Variants in COL6A2 observed in about 807,000 individuals in gnomAD.
COL6A2 encodes the protein collagen type VI alpha 2 chain, also known as collagen alpha-2(VI) chain.
COL6A2 carries 90 observed loss-of-function variants against 124.9 expected under a neutral mutation model. The observed-to-expected ratio is 0.72, with a 90% CI of 0.61 to 0.86. The LOEUF is 0.86. Among genes scored for constraint, COL6A2 ranks in the 40% least tolerant of loss-of-function variants. The pLI, the probability that COL6A2 is intolerant of heterozygous loss-of-function variation, is 0.00. For missense variants in COL6A2, 1,607 were observed against 1,502.5 expected, an observed-to-expected ratio of 1.07 and a Z score of -1.15; for synonymous variants, 793 against 618.2, an observed-to-expected ratio of 1.28 and a Z score of -4.19.
At chr21:46,105,897 A>G (rs2078331012) in intron 1 of COL6A2, among the ~76,000 whole-genome samples, 1 of 152,262 alleles carries the variant, frequency 6.6e-6, no homozygotes, top group Non-Finnish European at 1.5e-5. Context: ...ATGTAAATGG[A>G]TTAAACTCTC....
rs1568939755 is a variant in COL6A2, at chr21:46,125,600, A to T, written c.1952A>T (p.Asp651Val). The T allele has an allele frequency of 1.3e-6, 2 of 1,599,898 alleles. No homozygotes were observed. Among genetic ancestry groups the T allele is most frequent in the Non-Finnish European group, 1.7e-6 (2 of 1,175,040 alleles). The change falls in exon 25 of 28, where the codon GAC becomes GTC. Residue 651 changes from aspartate (D) to valine (V), a missense_variant. Physicochemically the swap from Asp to Val is radical, Grantham distance 152. This residue lies in a region of COL6A2 where 1,223 missense variants were observed against 1,052.2 expected (regional missense o/e 1.16). Transcript: ENST00000300527. Reference sequence around the variant, plus strand: ...AACAGGCTGGGTGCCATCGCTAAGGACCCCAAGTCCGAGACAGGTCAGCGG... The same window carrying T: ...AACAGGCTGGGTGCCATCGCTAAGGTCCCCAAGTCCGAGACAGGTCAGCGG... The part of the protein sequence containing the change: ...VVNRLGAIAK[D>V]PKSETGTRVG...
Position 46,110,072 on chromosome 21 carries a change from G to A in COL6A2, c.-27-1378G>A, listed in dbSNP as rs117590827. 8.0e-3 allele frequency among the ~76,000 whole-genome samples: 1,214 copies of A among 152,254 alleles called. 7 individuals are homozygous for A. Among genetic ancestry groups the A allele is most frequent in the Non-Finnish European group, 0.012 (818 of 68,006 alleles). ...GCATGGTACCTGGCCATGTCCTCTC[G>A]CAGCCTGGGGCAGGGTCTCCAGACC... On this transcript the variant is annotated intron_variant, in intron 1 of 27. Coordinates refer to ENST00000300527, the MANE Select transcript of COL6A2 (RefSeq NM_001849.4).
In COL6A2 at chr21:46,130,055, G is replaced by A. The variant is rs984045020; in HGVS notation, c.2462-1899G>A. Among the ~76,000 whole-genome samples the A allele has an allele frequency of 7.2e-5, 11 of 152,140 alleles. 1 individual carries two copies. The highest frequency in any genetic ancestry group is 1.3e-4 in the Admixed American group (2 of 15,288). ...GCACTAATCCCGTGCATGGTGACTC[G>A]TGGGCGCTCACGGCCCACCTGGTGG... On this transcript the variant is annotated intron_variant, in intron 27 of 27. Transcript: ENST00000300527.
chr21:46,122,043 G>T, intron 18 of COL6A2, 65 bp from the exon 19 acceptor site: 1 of 1,554,222 alleles, frequency 6.4e-7, no homozygotes, highest in East Asian at 2.3e-5. Flanking sequence ...GCGCCCTGTT[G>T]AGCACAGCCC....
intron 1 of COL6A2, 130 bp downstream of exon 1, chr21:46,098,303 CGGCGG>C (rs1748758606): frequency 6.6e-6 from 1 of 151,860 alleles, no homozygotes; most frequent in African/African-American, 2.4e-5. Context: ...GCCCCAGGGA[CGGCGG>C]GGGGCTCGGC....
chr21:46,122,043 G>A (rs1391738648), intron 18 of COL6A2, 65 bp from the exon 19 acceptor site: 17 of 1,554,106 alleles, frequency 1.1e-5, no homozygotes, highest in Non-Finnish European at 3.5e-6. Flanking sequence ...GCGCCCTGTT[G>A]AGCACAGCCC....
chr21:46,124,612 T>C (rs1472154107), intron 21 of COL6A2, 39 bp from the exon 22 acceptor site: 2 of 1,605,068 alleles, frequency 1.2e-6, no homozygotes, highest in South Asian at 2.2e-5. Flanking sequence ...GGACTGTCCC[T>C]GGGGCCACTG....
Position 46,132,704 on chromosome 21 carries a change from C to T in COL6A2, c.*152C>T, listed in dbSNP as rs112719972. ...AGCTCCTCCCACGGGGTCCCCGTAGCCCCGGCCCCCGCCCAGCCCCAGGTC... is the reference window on the plus strand; with the variant it reads ...AGCTCCTCCCACGGGGTCCCCGTAGTCCCGGCCCCCGCCCAGCCCCAGGTC... On this transcript the variant is annotated 3_prime_UTR_variant, in exon 28 of 28. Transcript: ENST00000300527. The T allele has an allele frequency of 1.3e-6, 1 of 771,070 alleles. No homozygotes were observed. Among genetic ancestry groups the T allele is most frequent in the South Asian group, 1.7e-5 (1 of 59,260 alleles). 47.8% of individuals were successfully genotyped at this position (771,070 alleles called of 1,614,324 possible).
At position 46,121,388 on chromosome 21, in the gene COL6A2, A is replaced by G. The variant is rs1076850; in HGVS notation, c.1459-168A>G. 0.12 allele frequency among the ~76,000 whole-genome samples: 18,012 copies of G among 152,222 alleles called. 1,377 individuals carry two copies. Among genetic ancestry groups the G allele is most frequent in the Non-Finnish European group, 0.18 (12,438 of 67,972 alleles). On this transcript the variant is annotated intron_variant, in intron 17 of 27. Transcript: ENST00000300527. ...TGAGGTCCTGGATGGGCCACAGGGA[A>G]AGGAGGAGCTGGGACCCTCAAGACA...
At chr21:46,124,242 T>C (rs1601245079) in intron 21 of COL6A2, among the ~76,000 whole-genome samples, 1 of 149,908 alleles carries the variant, frequency 6.7e-6, no homozygotes, top group Admixed American at 6.6e-5. Flanking sequence ...GGTGACTGGG[T>C]GGATGGATGG....
At chr21:46,129,663 GCCA>G in intron 27 of COL6A2, 2 of 1,423,616 alleles carry the variant, frequency 1.4e-6, no homozygotes, top group East Asian at 2.5e-5. Context: ...CATGCTGGTG[GCCA>G]CCGTGTCCCT....
At chr21:46,129,378 A>G (rs765511038) in intron 27 of COL6A2, 6 of 1,612,850 alleles carry the variant, frequency 3.7e-6, no homozygotes, top group Non-Finnish European at 5.1e-6. Flanking sequence ...CGAGCGGGCC[A>G]AGTTCGCCAC....
intron 5 of COL6A2, among the ~76,000 whole-genome samples, chr21:46,115,438 G>C (rs2078456613): frequency 6.6e-6 from 1 of 152,214 alleles, no homozygotes; most frequent in South Asian, 2.1e-4. Context: ...AATTCCAAGA[G>C]AGTGTAACCT....
Position 46,116,259 on chromosome 21 carries a change from G to T in COL6A2, c.901-118G>T. 1 of 1,296,090 alleles carries T rather than the reference G, an allele frequency of 7.7e-7. No homozygotes were observed. Among genetic ancestry groups the T allele is most frequent in the Non-Finnish European group, 1.1e-6 (1 of 914,854 alleles). 80.3% of individuals were successfully genotyped at this position (1,296,090 alleles called of 1,614,324 possible). On this transcript the variant is annotated intron_variant, in intron 7 of 27. Transcript: ENST00000300527. The surrounding 1 kb of genome is among the most constrained non-coding windows in gnomAD (Gnocchi z 4.6). ...CAGCCTCCTCCGCAGACTGTTTGTC[G>T]AGAACACTAGATGCCAGCGGCCCAC...
intron 27 of COL6A2, among the ~76,000 whole-genome samples, chr21:46,130,562 T>G (rs1382055761): frequency 6.6e-6 from 1 of 150,934 alleles, no homozygotes; most frequent in Non-Finnish European, 1.5e-5. Flanking sequence ...GAGAGCAGAG[T>G]CCACAGACAT....
chr21:46,122,808 A>T, intron 20 of COL6A2, 67 bp from the exon 21 acceptor site: 2 of 1,494,632 alleles, frequency 1.3e-6, no homozygotes, highest in Non-Finnish European at 1.9e-6. Flanking sequence ...TCCACATAAA[A>T]ATCTCACTGG....
intron 4 of COL6A2, 103 bp from the exon 5 acceptor site, chr21:46,113,905 T>C: frequency 2.1e-6 from 2 of 947,942 alleles, no homozygotes; most frequent in East Asian, 2.4e-5. Flanking sequence ...AGCATCTCCT[T>C]GGCCCCTGCT....
In COL6A2 at chr21:46,132,706, C is replaced by T; in HGVS notation, c.*154C>T. The T allele has an allele frequency of 1.3e-6, 1 of 759,126 alleles. No individual in the cohort carries two copies. Among genetic ancestry groups the T allele is most frequent in the South Asian group, 1.7e-5 (1 of 58,806 alleles). 47.0% of individuals were successfully genotyped at this position (759,126 alleles called of 1,614,324 possible). ...CTCCTCCCACGGGGTCCCCGTAGCC[C>T]CGGCCCCCGCCCAGCCCCAGGTCTC... On this transcript the variant is annotated 3_prime_UTR_variant, in exon 28 of 28. Coordinates refer to ENST00000300527, the MANE Select transcript of COL6A2 (RefSeq NM_001849.4).
chr21:46,112,658 C>T (rs1019059831), intron 3 of COL6A2, 81 bp downstream of exon 3: 3 of 1,592,508 alleles, frequency 1.9e-6, no homozygotes, highest in Non-Finnish European at 2.6e-6. Flanking sequence ...CTCACTTTAC[C>T]CCTCTGTGAG....
Sources: allele counts gnomAD v4.1 joint callset (sites outside exome capture counted in the v4.1 genomes callset), GRCh38; gene constraint gnomAD v4.1.1; regional missense constraint gnomAD v4.1.1; non-coding constraint Gnocchi (gnomAD v3.1); transcripts MANE v1.5; gene names NCBI Gene and HGNC (gene_info 2026-07-23, HGNC 2026-07-21).